MYO3B: variants seen among roughly 807,000 people sequenced by gnomAD.
MYO3B encodes the protein myosin-IIIb.
In MYO3B, 156 loss-of-function variants were observed where a neutral mutation model predicts 174.6. The ratio of observed to expected loss-of-function variants is 0.89; its 90% CI spans 0.78 to 1.02. The LOEUF is 1.02. Among genes scored for constraint, MYO3B ranks in the 50% least tolerant of loss-of-function variants. MYO3B has a pLI of 0.00. For missense variants in MYO3B, 1,632 were observed against 1,639.4 expected (o/e 1.00, Z 0.08); for synonymous variants, 563 against 569.1 (o/e 0.99, Z 0.15).
intron 15 of MYO3B, 102 bp from the exon 16 acceptor site, chr2:170,392,279 T>C (rs1574904803): frequency 1.4e-6 from 1 of 703,914 alleles, no homozygotes; most frequent in Non-Finnish European, 2.3e-6. Context: ...GGCAACAGAG[T>C]GAGGTCCCAT....
intron 17 of MYO3B, among the ~76,000 whole-genome samples, chr2:170,400,560 A>G (rs2094468320): frequency 6.6e-6 from 1 of 151,304 alleles, no homozygotes. Flanking sequence ...GCCTGCCACC[A>G]CGCCTGGCTA....
At chr2:170,449,876 G>T (rs1683488087) in intron 23 of MYO3B, among the ~76,000 whole-genome samples, 1 of 152,046 alleles carries the variant, frequency 6.6e-6, no homozygotes, top group East Asian at 1.9e-4. Context: ...AGTCCTAGAA[G>T]TTTGTTTTGT....
At position 170,200,299 on chromosome 2, in the gene MYO3B, T is replaced by C. The variant is rs372199890; in HGVS notation, c.321+15T>C. 5.8e-5 allele frequency: 93 copies of C among 1,606,286 alleles called. No individual in the cohort carries two copies. The highest frequency in any genetic ancestry group is 6.1e-5 in the Non-Finnish European group (72 of 1,177,004). On this transcript the variant is annotated intron_variant, in intron 3 of 34. Transcript: ENST00000408978. ...TGGTCCTGGAGGTAAGAGGCTCCCA[T>C]TGGGTAACCAGTGATTTGAACAGAG...
At chr2:170,650,097 A>G (rs1462397621) in intron 32 of MYO3B, 1 of 130,906 alleles carries the variant, frequency 7.6e-6, no homozygotes, top group South Asian at 2.4e-4. Context: ...CAGTGGCGCA[A>G]TCTTGGCTTA....
intron 30 of MYO3B, among the ~76,000 whole-genome samples, chr2:170,534,740 C>T (rs1021938069): frequency 6.6e-6 from 1 of 152,170 alleles, no homozygotes; most frequent in Non-Finnish European, 1.5e-5. Flanking sequence ...CACACCCAGC[C>T]TCAGTGTCCT....
In MYO3B at chr2:170,193,086, C is replaced by T. The variant is rs546151929; in HGVS notation, c.3-6122C>T. 1.9e-4 allele frequency among the ~76,000 whole-genome samples: 29 copies of T among 151,958 alleles called. No individual in the cohort carries two copies. The South Asian group carries it at 2.3e-3, about 12-fold the overall frequency. ...ATTTCTTATTGTCACCTTGTTCTGTCATAGCTGACAATGTCTTTTACTATT... is the reference window on the plus strand; with the variant it reads ...ATTTCTTATTGTCACCTTGTTCTGTTATAGCTGACAATGTCTTTTACTATT... On this transcript the variant is annotated intron_variant, in intron 1 of 34. Transcript: ENST00000408978.
chr2:170,211,848 TAAGAC>T (rs2092773791), intron 3 of MYO3B, among the ~76,000 whole-genome samples: 1 of 151,988 alleles, frequency 6.6e-6, no homozygotes, highest in African/African-American at 2.4e-5. Context: ...GGCTACAGCT[TAAGAC>T]CAACCTCACA....
At chr2:170,592,882 A>G (rs1693901722) in intron 32 of MYO3B, among the ~76,000 whole-genome samples, 7 of 152,088 alleles carry the variant, frequency 4.6e-5, no homozygotes. Context: ...AGATATATAG[A>G]CAGATATATC....
At chr2:170,236,442 A>T (rs1367186264) in intron 7 of MYO3B, among the ~76,000 whole-genome samples, 1 of 152,212 alleles carries the variant, frequency 6.6e-6, no homozygotes, top group Non-Finnish European at 1.5e-5. Context: ...TTGTGGATTA[A>T]GTAATCTGTC....
chr2:170,530,204 CAGAG>C (rs1279446108), intron 30 of MYO3B, among the ~76,000 whole-genome samples: 6 of 152,124 alleles, frequency 3.9e-5, no homozygotes, highest in Non-Finnish European at 7.4e-5. Flanking sequence ...GTGGGGAAGA[CAGAG>C]AGCAATAGAG....
chr2:170,521,176 A>G (rs990617794), intron 30 of MYO3B, among the ~76,000 whole-genome samples: 5 of 152,296 alleles, frequency 3.3e-5, no homozygotes, highest in South Asian at 2.1e-4. Context: ...TAAATTCTTA[A>G]TACTCCCCCA....
At position 170,240,276 on chromosome 2, in the gene MYO3B, C is replaced by T. The variant is rs553794752; in HGVS notation, c.749+4140C>T. 9.2e-5 allele frequency among the ~76,000 whole-genome samples: 14 copies of T among 152,226 alleles called. No individual in the cohort carries two copies. In the South Asian group the frequency reaches 2.3e-3, roughly 25 times the overall value. Reference sequence around the variant, plus strand: ...CCACATTCCCTGAGAAACTAATTTGCGGGCAAGATACAAGACAATTAGCTC... The same window carrying T: ...CCACATTCCCTGAGAAACTAATTTGTGGGCAAGATACAAGACAATTAGCTC... On this transcript the variant is annotated intron_variant, in intron 7 of 34. Transcript: ENST00000408978.
chr2:170,319,284 CTT>C (rs1209197347), intron 7 of MYO3B, among the ~76,000 whole-genome samples: 2 of 152,176 alleles, frequency 1.3e-5, no homozygotes, highest in Admixed American at 6.6e-5. Context: ...GGTGTGCAGA[CTT>C]GAATTCATAA....
Position 170,404,287 on chromosome 2 carries a change from A to G in MYO3B, c.2318A>G (p.Glu773Gly), listed in dbSNP as rs33962844. 543,377 of 1,612,062 alleles carry G rather than the reference A, an allele frequency of 0.34. 95,298 individuals are homozygous for G. Among genetic ancestry groups the G allele is most frequent in the Admixed American group, 0.44 (26,530 of 59,802 alleles). Reference sequence around the variant, plus strand: ...GAAGGCATTGATGCTGTACCCGTGGAATATGAGGACAACCGCCCGCTCTTG... The same window carrying G: ...GAAGGCATTGATGCTGTACCCGTGGGATATGAGGACAACCGCCCGCTCTTG... ...QNEGIDAVPV[E>G]YEDNRPLLDM... The change falls in exon 20 of 35, where the codon GAA (glutamate) becomes GGA (glycine). Residue 773 changes from glutamate (E) to glycine (G), a missense_variant. Transcript: ENST00000408978.
intron 7 of MYO3B, among the ~76,000 whole-genome samples, chr2:170,259,820 A>C (rs2093331551): frequency 6.6e-6 from 1 of 152,234 alleles, no homozygotes; most frequent in South Asian, 2.1e-4. Context: ...CTATGCATCC[A>C]CAAAGGTCAA....
rs560494390 is a variant in MYO3B, at chr2:170,248,771, C to T, written c.749+12635C>T. Among the ~76,000 whole-genome samples the T allele has an allele frequency of 3.9e-5, 6 of 152,292 alleles. No individual in the cohort carries two copies. In the East Asian group the frequency reaches 1.2e-3, roughly 29 times the overall value. Reference sequence around the variant, plus strand: ...ACCCACCAAGGTAATCCAGGATAATCTTCCTATTTTGTCAGCTGATTGGTA... The same window carrying T: ...ACCCACCAAGGTAATCCAGGATAATTTTCCTATTTTGTCAGCTGATTGGTA... On this transcript the variant is annotated intron_variant, in intron 7 of 34. Coordinates refer to ENST00000408978, the MANE Select transcript of MYO3B (RefSeq NM_138995.5).
intron 7 of MYO3B, among the ~76,000 whole-genome samples, chr2:170,290,594 C>T (rs1010816689): frequency 6.6e-6 from 1 of 152,118 alleles, no homozygotes; most frequent in Non-Finnish European, 1.5e-5. Flanking sequence ...TAGGTTTCTT[C>T]AAGGCAGCAT....
At chr2:170,577,290 T>C (rs4594407) in intron 32 of MYO3B, among the ~76,000 whole-genome samples, 67,166 of 152,014 alleles carry the variant, frequency 0.44, 15,233 homozygotes, top group East Asian at 0.63. Flanking sequence ...CCTGAAAATA[T>C]ATTTTTACCT....
intron 1 of MYO3B, among the ~76,000 whole-genome samples, chr2:170,195,180 C>A (rs2092584941): frequency 6.6e-6 from 1 of 151,946 alleles, no homozygotes; most frequent in African/African-American, 2.4e-5. Context: ...AGAGGGCAGT[C>A]ACCTGGCAAA....
Sources: gnomAD v4.1 joint callset for allele counts (sites outside exome capture counted in the v4.1 genomes callset) on GRCh38, gnomAD v4.1.1 for gene constraint, MANE v1.5 for transcripts, NCBI Gene and HGNC (gene_info 2026-07-23, HGNC 2026-07-21) for gene names.